DLC1: variants seen among roughly 807,000 people sequenced by gnomAD.
The protein encoded by DLC1 is rho GTPase-activating protein 7.
In DLC1, 54 loss-of-function variants were observed where a neutral mutation model predicts 140.3. That is an observed-to-expected ratio of 0.38 (90% CI 0.31 to 0.48). The LOEUF (loss-of-function observed/expected upper bound fraction) is 0.48. Among genes scored for constraint, DLC1 ranks in the 20% least tolerant of loss-of-function variants. The probability of loss-of-function intolerance (pLI) is 0.96; values close to 1 mark genes in which losing one functional copy is unlikely to be tolerated. For missense variants in DLC1, 2,536 were observed against 1,907.0 expected (o/e 1.33, Z -6.14); for synonymous variants, 986 against 728.1 (o/e 1.35, Z -5.70).
chr8:13,306,415 A>G lies in DLC1; in HGVS notation c.1315-1113T>C, dbSNP rs80051506. 8.4e-3 allele frequency among the ~76,000 whole-genome samples: 1,273 copies of G among 152,264 alleles called. 22 individuals carry two copies. Among genetic ancestry groups the G allele is most frequent in the African/African-American group, 0.03 (1,230 of 41,546 alleles). On this transcript the variant is annotated intron_variant, in intron 4 of 17. Transcript: ENST00000276297. ...TAGTTGAGGATGTATTAACTGACCC[A>G]TTGGGATTTGATGCCTTCCACCCCA...
At chr8:13,510,011 T>C (rs578073918) in intron 1 of DLC1, among the ~76,000 whole-genome samples, 4 of 152,196 alleles carry the variant, frequency 2.6e-5, no homozygotes, top group African/African-American at 9.6e-5. Flanking sequence ...ATGATGATGG[T>C]GATGGTGATG....
intron 16 of DLC1, among the ~76,000 whole-genome samples, chr8:13,087,962 C>G (rs592769): frequency 0.11 from 16,973 of 152,268 alleles, 1,574 homozygotes; most frequent in African/African-American, 0.25. Flanking sequence ...AGGGGCCTCT[C>G]TTTCTGAGCT....
intron 5 of DLC1, among the ~76,000 whole-genome samples, chr8:13,125,500 C>A (rs1033464769): frequency 1.3e-5 from 2 of 152,184 alleles, no homozygotes; most frequent in Non-Finnish European, 2.9e-5. Context: ...TCCAAAGAAT[C>A]CGTGACTTGG....
At chr8:13,288,371 G>A (rs1256762158) in intron 5 of DLC1, among the ~76,000 whole-genome samples, 1 of 152,150 alleles carries the variant, frequency 6.6e-6, no homozygotes, top group Non-Finnish European at 1.5e-5. Context: ...GAGGGCTGTT[G>A]GAGTCTGGAC....
intron 1 of DLC1, among the ~76,000 whole-genome samples, chr8:13,576,406 G>A (rs1401007058): frequency 6.6e-6 from 1 of 151,978 alleles, no homozygotes; most frequent in Non-Finnish European, 1.5e-5. Context: ...AATTCCAGAA[G>A]GAACAATTTG....
At chr8:13,413,011 C>T (rs181876251) in intron 2 of DLC1, among the ~76,000 whole-genome samples, 1 of 150,894 alleles carries the variant, frequency 6.6e-6, no homozygotes, top group Non-Finnish European at 1.5e-5. Context: ...GAGCAAAACA[C>T]AGGTTGCCTA....
At chr8:13,242,536 C>T (rs775984437) in intron 5 of DLC1, among the ~76,000 whole-genome samples, 6 of 152,022 alleles carry the variant, frequency 3.9e-5, no homozygotes, top group Admixed American at 6.6e-5. Flanking sequence ...GTTGGGACTA[C>T]AAGTGCATGC....
At chr8:13,577,746 G>C (rs1804895193) in intron 1 of DLC1, among the ~76,000 whole-genome samples, 2 of 152,094 alleles carry the variant, frequency 1.3e-5, no homozygotes, top group Admixed American at 6.5e-5. Flanking sequence ...ATTTATATAT[G>C]TGTGTATTTG....
At chr8:13,363,217 C>A (rs73205703) in intron 4 of DLC1, among the ~76,000 whole-genome samples, 18,667 of 152,130 alleles carry the variant, frequency 0.12, 1,275 homozygotes, top group South Asian at 0.15. Flanking sequence ...ATTTGGATTT[C>A]TTTGTAGTTT....
At chr8:13,310,120 A>G (rs75958594) in intron 4 of DLC1, among the ~76,000 whole-genome samples, 2 of 152,168 alleles carry the variant, frequency 1.3e-5, no homozygotes, top group Non-Finnish European at 2.9e-5. Flanking sequence ...CTATGATACT[A>G]TGTAAGTTCT....
chr8:13,292,396 A>C lies in DLC1; in HGVS notation c.1348+12873T>G, dbSNP rs1831791273. 2.0e-5 allele frequency among the ~76,000 whole-genome samples: 3 copies of C among 152,352 alleles called. No homozygotes were observed. In the South Asian group the frequency reaches 6.2e-4, roughly 32 times the overall value. On this transcript the variant is annotated intron_variant, in intron 5 of 17. Coordinates refer to ENST00000276297, the MANE Select transcript of DLC1 (RefSeq NM_182643.3). ...GTACCATCTCAGAGTCAAGGTCACAAGTTAGACCCAGGTCACTCTTTTTTA... is the reference window on the plus strand; with the variant it reads ...GTACCATCTCAGAGTCAAGGTCACACGTTAGACCCAGGTCACTCTTTTTTA...
chr8:13,389,108 CTTCAGT>C (rs1400795887), intron 4 of DLC1, among the ~76,000 whole-genome samples: 1 of 151,988 alleles, frequency 6.6e-6, no homozygotes, highest in Non-Finnish European at 1.5e-5. Flanking sequence ...CTCCTTGTTC[CTTCAGT>C]TACTTATTTT....
chr8:13,599,705 T>C (rs2117495120), intron 1 of DLC1, among the ~76,000 whole-genome samples: 1 of 152,056 alleles, frequency 6.6e-6, no homozygotes, highest in South Asian at 2.1e-4. Flanking sequence ...AGACTCAATA[T>C]TGTAATGATG....
chr8:13,143,907 C>T (rs1250730313), intron 5 of DLC1, among the ~76,000 whole-genome samples: 2 of 151,422 alleles, frequency 1.3e-5, no homozygotes, highest in Non-Finnish European at 2.9e-5. Context: ...TTTGAGTTTT[C>T]CCCGGGCAGG....
At chr8:13,295,877 G>A (rs1424004311) in intron 5 of DLC1, among the ~76,000 whole-genome samples, 1 of 147,324 alleles carries the variant, frequency 6.8e-6, no homozygotes, top group Non-Finnish European at 1.5e-5. Context: ...TGCAAACTGT[G>A]CACTGGAAAC....
At chr8:13,378,162 G>GCATATGTATA in intron 4 of DLC1, among the ~76,000 whole-genome samples, 1 of 136,752 alleles carries the variant, frequency 7.3e-6, no homozygotes, top group Non-Finnish European at 1.6e-5. Context: ...CATGTGCCAT[G>GCATATGTATA]CATATGTAAC....
chr8:13,239,792 A>G (rs1585982364), intron 5 of DLC1, among the ~76,000 whole-genome samples: 1 of 152,180 alleles, frequency 6.6e-6, no homozygotes, highest in Admixed American at 6.5e-5. Flanking sequence ...CTGTCAAAAT[A>G]TTGACTCCGG....
At chr8:13,203,834 G>A (rs1261439907) in intron 5 of DLC1, among the ~76,000 whole-genome samples, 1 of 152,182 alleles carries the variant, frequency 6.6e-6, no homozygotes, top group Non-Finnish European at 1.5e-5. Flanking sequence ...ACCATGATAG[G>A]AAAAGAGCTC....
intron 5 of DLC1, among the ~76,000 whole-genome samples, chr8:13,190,190 A>C (rs1168709230): frequency 1.3e-5 from 2 of 152,218 alleles, no homozygotes; most frequent in Non-Finnish European, 2.9e-5. Context: ...AGTGCTTGAC[A>C]TCTGGTGTGT....
Sources: allele counts gnomAD v4.1 joint callset (sites outside exome capture counted in the v4.1 genomes callset), GRCh38; gene constraint gnomAD v4.1.1; transcripts MANE v1.5; gene names NCBI Gene and HGNC (gene_info 2026-07-23, HGNC 2026-07-21).